Variants in PRKG1 observed in about 807,000 individuals in gnomAD.
PRKG1 encodes protein kinase cGMP-dependent 1, also known as cGMP-dependent protein kinase 1.
In PRKG1, 35 loss-of-function variants were observed where a neutral mutation model predicts 88.1. The observed-to-expected ratio is 0.40, with a 90% confidence interval of 0.30 to 0.53. The LOEUF is 0.53. Ranked by LOEUF, PRKG1 falls within the 20% of genes least tolerant of loss-of-function variation. The probability of loss-of-function intolerance (pLI) is 0.59; values close to 1 mark genes in which losing one functional copy is unlikely to be tolerated. For synonymous variants in PRKG1, 303 were observed against 292.5 expected, an observed-to-expected ratio of 1.04 and a Z score of -0.37; for missense variants, 540 against 839.8, an observed-to-expected ratio of 0.64 and a Z score of 4.41.
intron 3 of PRKG1, among the ~76,000 whole-genome samples, chr10:51,626,216 T>C (rs1262964528): frequency 6.6e-6 from 1 of 152,190 alleles, no homozygotes; most frequent in East Asian, 1.9e-4. Context: ...GAAATCCCCG[T>C]GAAAACTGGA....
At chr10:52,163,048 C>G (rs1838320443) in intron 9 of PRKG1, among the ~76,000 whole-genome samples, 1 of 151,890 alleles carries the variant, frequency 6.6e-6, no homozygotes, top group African/African-American at 2.4e-5. Flanking sequence ...ACTTCAGTTT[C>G]TAGTATTAAT....
At chr10:52,012,567 A>G (rs552851118) in intron 5 of PRKG1, among the ~76,000 whole-genome samples, 2 of 151,968 alleles carry the variant, frequency 1.3e-5, no homozygotes, top group East Asian at 3.9e-4. Context: ...TTTTATTTTT[A>G]GTAAATACAG....
chr10:51,016,001 A>G (rs1446007042), intron 1 of PRKG1, among the ~76,000 whole-genome samples: 1 of 152,236 alleles, frequency 6.6e-6, no homozygotes, highest in African/African-American at 2.4e-5. Context: ...CTAGAAGATC[A>G]TTAGCAATGA....
chr10:51,543,407 A>G (rs996943946), intron 3 of PRKG1, among the ~76,000 whole-genome samples: 44 of 152,324 alleles, frequency 2.9e-4, no homozygotes, highest in Admixed American at 1.1e-3. Flanking sequence ...AGTATTCAAC[A>G]GTGTGAGGGT....
rs142323966 is a variant in PRKG1 at position 52,170,206 on chromosome 10, A to C, written c.1076+8243A>C. 3.9e-3 allele frequency among the ~76,000 whole-genome samples: 600 copies of C among 152,284 alleles called. 6 individuals are homozygous for C. Among genetic ancestry groups the C allele is most frequent in the African/African-American group, 0.014 (567 of 41,572 alleles). ...TTCCTCTGAGGACAAAGAAGAAAGA[A>C]GGACACTAAGAAAGAAGGCCCAAAT... On this transcript the variant is annotated intron_variant, in intron 9 of 17. Coordinates refer to ENST00000373980, the MANE Select transcript of PRKG1 (RefSeq NM_006258.4).
chr10:51,780,617 A>G (rs1838562771), intron 3 of PRKG1, among the ~76,000 whole-genome samples: 1 of 152,134 alleles, frequency 6.6e-6, no homozygotes, highest in Admixed American at 6.6e-5. Context: ...TGGACCCTAT[A>G]ATTGAGTCTG....
At chr10:51,862,926 A>G (rs1840922147) in intron 4 of PRKG1, among the ~76,000 whole-genome samples, 2 of 152,232 alleles carry the variant, frequency 1.3e-5, no homozygotes, top group African/African-American at 2.4e-5. Flanking sequence ...TCAATATAAT[A>G]TCACTGACAT....
chr10:51,991,021 T>C (rs954170748), intron 5 of PRKG1, among the ~76,000 whole-genome samples: 1 of 152,190 alleles, frequency 6.6e-6, no homozygotes, highest in Non-Finnish European at 1.5e-5. Context: ...CTTTCCTCAA[T>C]ATTTAACACT....
chr10:51,588,587 C>T (rs1338540176), intron 3 of PRKG1, among the ~76,000 whole-genome samples: 1 of 152,030 alleles, frequency 6.6e-6, no homozygotes, highest in Non-Finnish European at 1.5e-5. Flanking sequence ...TTGTCAAAAA[C>T]AGTAAAGAAC....
intron 5 of PRKG1, among the ~76,000 whole-genome samples, chr10:51,935,105 T>C (rs1842775040): frequency 6.6e-6 from 1 of 152,084 alleles, no homozygotes; most frequent in South Asian, 2.1e-4. Context: ...TGGGGTAGCT[T>C]GGCTATAGTG....
chr10:51,050,487 A>C (rs1399028037), intron 1 of PRKG1, among the ~76,000 whole-genome samples: 1 of 152,016 alleles, frequency 6.6e-6, no homozygotes, highest in Non-Finnish European at 1.5e-5. Flanking sequence ...GTTGCAATGC[A>C]TTTCCTTCTT....
At chr10:51,484,894 ATCTGGCAATATTTC>A (rs1316225360) in intron 3 of PRKG1, among the ~76,000 whole-genome samples, 1 of 152,204 alleles carries the variant, frequency 6.6e-6, no homozygotes, top group Non-Finnish European at 1.5e-5. Flanking sequence ...TCCAGATTCT[ATCTGGCAATATTTC>A]TTCTTTCTTT....
At chr10:51,740,305 A>C (rs553390418) in intron 3 of PRKG1, among the ~76,000 whole-genome samples, 2 of 152,224 alleles carry the variant, frequency 1.3e-5, no homozygotes, top group Non-Finnish European at 2.9e-5. Flanking sequence ...CTGGGATGAC[A>C]GGCTGGAAAC....
At chr10:51,973,004 G>A (rs1843746098) in intron 5 of PRKG1, among the ~76,000 whole-genome samples, 2 of 152,152 alleles carry the variant, frequency 1.3e-5, no homozygotes, top group Admixed American at 1.3e-4. Context: ...AGGCACAGAA[G>A]TTGCTTCTTT....
intron 2 of PRKG1, among the ~76,000 whole-genome samples, chr10:51,382,909 G>A (rs1024782835): frequency 3.3e-5 from 5 of 152,086 alleles, no homozygotes; most frequent in African/African-American, 1.2e-4. Context: ...CAAACATAGA[G>A]TATAAATCCT....
At chr10:51,168,521 A>AAGTT (rs1163260116) in intron 2 of PRKG1, among the ~76,000 whole-genome samples, 1 of 152,164 alleles carries the variant, frequency 6.6e-6, no homozygotes, top group Non-Finnish European at 1.5e-5. Flanking sequence ...CCATAGAAGT[A>AAGTT]ACCCACGTAA....
At chr10:51,444,273 C>A (rs1382449862) in intron 2 of PRKG1, among the ~76,000 whole-genome samples, 1 of 151,528 alleles carries the variant, frequency 6.6e-6, no homozygotes, top group Non-Finnish European at 1.5e-5. Flanking sequence ...CAGAGAATTG[C>A]ACCTCATCAT....
chr10:51,492,776 G>A (rs1023672395), intron 3 of PRKG1, among the ~76,000 whole-genome samples: 3 of 152,034 alleles, frequency 2.0e-5, no homozygotes, highest in African/African-American at 7.2e-5. Flanking sequence ...AAATGAGAAC[G>A]ATATGTATTT....
chr10:51,237,621 T>A (rs1393646884), intron 2 of PRKG1, among the ~76,000 whole-genome samples: 8 of 152,120 alleles, frequency 5.3e-5, no homozygotes, highest in Non-Finnish European at 1.2e-4. Context: ...AAAGGACACA[T>A]CCAAATTGAA....
Sources: allele counts gnomAD v4.1 joint callset (sites outside exome capture counted in the v4.1 genomes callset), GRCh38; gene constraint gnomAD v4.1.1; transcripts MANE v1.5; gene names NCBI Gene and HGNC (gene_info 2026-07-23, HGNC 2026-07-21).